BRMS1: variants seen among roughly 807,000 people sequenced by gnomAD.
The protein encoded by BRMS1 is BRMS1 transcriptional repressor and anoikis regulator, also known as breast cancer metastasis-suppressor 1.
A neutral mutation model predicts 40.4 loss-of-function variants in BRMS1; 26 were observed. The ratio of observed to expected loss-of-function variants is 0.64; its 90% confidence interval spans 0.47 to 0.89. BRMS1 has a LOEUF of 0.89. Ranked by LOEUF, BRMS1 falls within the 40% of genes least tolerant of loss-of-function variation. The probability of loss-of-function intolerance (pLI) is 0.00; values close to 1 mark genes in which losing one functional copy is unlikely to be tolerated. For missense variants in BRMS1, 289 were observed against 309.4 expected (o/e 0.93, Z 0.49); for synonymous variants, 103 against 116.0 (o/e 0.89, Z 0.72).
At position 66,341,048 on chromosome 11, in the gene BRMS1, T is replaced by C. The variant is rs1241664592; in HGVS notation, c.359-2A>G. ...CCAGACAGAAGCCCTTGTAGATCCC[T>C]GCAGAGAAAGGGAGGAGGGTCCCTG... On this transcript the variant is annotated splice_acceptor_variant, in intron 4 of 9. Transcript: ENST00000359957. LOFTEE classifies it high-confidence loss of function. The surrounding 1 kb of genome is among the most constrained non-coding windows in gnomAD (Gnocchi z 4.9). 1 of 1,613,812 alleles carries C rather than the reference T, an allele frequency of 6.2e-7. No homozygotes were observed.
intron 8 of BRMS1, 65 bp from the exon 9 acceptor site, chr11:66,338,347 C>A: frequency 6.4e-7 from 1 of 1,557,636 alleles, no homozygotes; most frequent in Non-Finnish European, 8.7e-7. Context: ...CCTGCCCCAC[C>A]CCCCACCTCT....
At position 66,340,760 on chromosome 11, in the gene BRMS1, G is replaced by T; in HGVS notation, c.535+14C>A. On this transcript the variant is annotated intron_variant, in intron 6 of 9. Coordinates refer to ENST00000359957, the MANE Select transcript of BRMS1 (RefSeq NM_015399.4). Reference sequence around the variant, plus strand: ...CGGGGCCCAGTTCCGGGGTGCCCAGGCTCTCGCGCTTACCAGAGCTGAGGT... The same window carrying T: ...CGGGGCCCAGTTCCGGGGTGCCCAGTCTCTCGCGCTTACCAGAGCTGAGGT... 1 of 1,605,446 alleles carries T rather than the reference G, an allele frequency of 6.2e-7. No homozygotes were observed. The highest frequency in any genetic ancestry group is 1.1e-5 in the South Asian group (1 of 90,392).
chr11:66,338,876 C>T (rs1033757159), intron 7 of BRMS1, 91 bp from the exon 8 acceptor site: 27 of 1,327,124 alleles, frequency 2.0e-5, no homozygotes, highest in Non-Finnish European at 2.6e-5. Context: ...GTACAGCGGA[C>T]AGCATGGAGT....
At chr11:66,340,244 T>A in intron 6 of BRMS1, 31 bp from the exon 7 acceptor site, 1 of 1,584,410 alleles carries the variant, frequency 6.3e-7, no homozygotes, top group Non-Finnish European at 8.7e-7. Context: ...AGAATTGGGG[T>A]GCTGGCCCAC....
At position 66,338,268 on chromosome 11, in the gene BRMS1, C is replaced by A; in HGVS notation, c.708G>T (p.Val236=). 1 of 1,611,170 alleles carries A rather than the reference C, an allele frequency of 6.2e-7. No homozygotes were observed. The highest frequency in any genetic ancestry group is 1.3e-5 in the African/African-American group (1 of 75,022). The change falls in exon 9 of 10, where the codon GTG becomes GTT. Residue 236 remains valine, a synonymous_variant. Transcript: ENST00000359957. ...WTAIKKARAA[V]SPQKRKSDGP ...CATCCGATTTTCTCTTCTGAGGGGACACAGCTGCCCTAGCCTGGGTGGGTG... is the reference window on the plus strand; with the variant it reads ...CATCCGATTTTCTCTTCTGAGGGGAAACAGCTGCCCTAGCCTGGGTGGGTG...
intron 6 of BRMS1, 119 bp downstream of exon 6, chr11:66,340,655 G>T: frequency 1.2e-6 from 1 of 827,054 alleles, no homozygotes; most frequent in South Asian, 1.7e-5. Context: ...CCCTCACACT[G>T]ACCCCAACAG....
Position 66,341,536 on chromosome 11 carries a change from T to G in BRMS1, c.227A>C (p.Glu76Ala). ...CCCAAGGTGTCCCCACGCTCACTTC[T>G]CCTTTAGCTCCGAGAACTGCTTCTC... The part of the protein sequence containing the change: ...DLEKQFSELK[E>A]KLFRERLSQL... The change falls in exon 3 of 10, where the codon GAG becomes GCG. Residue 76 changes from glutamate to alanine, a missense_variant. By Grantham distance (107) the Glu-to-Ala change is moderately radical (BLOSUM62 -1). Transcript: ENST00000359957. The surrounding 1 kb of genome is among the most constrained non-coding windows in gnomAD (Gnocchi z 4.9). The G allele has an allele frequency of 2.5e-6, 4 of 1,613,952 alleles. No homozygotes were observed. The highest frequency in any genetic ancestry group is 3.4e-6 in the Non-Finnish European group (4 of 1,179,980).
intron 8 of BRMS1, 36 bp from the exon 9 acceptor site, chr11:66,338,318 C>T (rs1193921499): frequency 1.9e-6 from 3 of 1,589,908 alleles, no homozygotes; most frequent in African/African-American, 1.3e-5. Flanking sequence ...CCTGAGAGCC[C>T]ACCTCCAGCT....
chr11:66,340,416 G>A (rs1382340917), intron 6 of BRMS1, among the ~76,000 whole-genome samples: 2 of 152,156 alleles, frequency 1.3e-5, no homozygotes, highest in Non-Finnish European at 2.9e-5. Flanking sequence ...CTGCACTTCT[G>A]TGAGCCTCAT....
At position 66,341,650 on chromosome 11, in the gene BRMS1, G is replaced by A; in HGVS notation, c.140-27C>T. 1 of 1,602,092 alleles carries A rather than the reference G, an allele frequency of 6.2e-7. No individual in the cohort carries two copies. Among genetic ancestry groups the A allele is most frequent in the Non-Finnish European group, 8.6e-7 (1 of 1,169,448 alleles). On this transcript the variant is annotated intron_variant, in intron 2 of 9. Coordinates refer to ENST00000359957, the MANE Select transcript of BRMS1 (RefSeq NM_015399.4). This position sits in a 1 kb window ranked among gnomAD's most constrained non-coding sequence, Gnocchi z 4.9. ...TGGGACAAGAGGCCAGTAAGGGCTA[G>A]CTCTGGGGAGGAGTGGTGGGTACCC...
rs1491366989 is a variant in BRMS1 at position 66,341,698 on chromosome 11, CAT to C, written c.140-77_140-76del. The C allele has an allele frequency of 1.4e-4, 179 of 1,254,436 alleles. 1 individual carries two copies. The East Asian group carries it at 1.5e-3, about 11-fold the overall frequency. The allele number at this position is 1,254,436 out of a possible 1,614,324, so 77.7% of individuals were successfully genotyped here. A position where few individuals can be genotyped will look rare whatever the true frequency, so the allele number is the denominator to read the frequency against. On this transcript the variant is annotated intron_variant, in intron 2 of 9. Coordinates refer to ENST00000359957, the MANE Select transcript of BRMS1 (RefSeq NM_015399.4). This position sits in a 1 kb window ranked among gnomAD's most constrained non-coding sequence, Gnocchi z 4.9. ...CCCGCATGTGTGCATGTGCGTCCTG[CAT>C]GTGTGTGTGTGCATGCATGCCTGTG...
At chr11:66,338,010 C>G (rs1294131443) in intron 9 of BRMS1, 121 bp from the exon 10 acceptor site, 2 of 1,236,002 alleles carry the variant, frequency 1.6e-6, no homozygotes, top group Non-Finnish European at 2.3e-6. Context: ...CTCCACAGCC[C>G]TCCCTGACCC....
Position 66,340,891 on chromosome 11 carries a change from TCAG to T in BRMS1, c.439-24_439-22del, listed in dbSNP as rs771404344. Reference sequence around the variant, plus strand: ...TCACTCTGGAAGAGGGGGCAATAGCTCAGCAGGACGGATGGGGTGAGGCCACTT... The same window carrying T: ...TCACTCTGGAAGAGGGGGCAATAGCTCAGGACGGATGGGGTGAGGCCACTT... On this transcript the variant is annotated intron_variant, in intron 5 of 9. Transcript: ENST00000359957. 12 of 1,613,760 alleles carry T rather than the reference TCAG, an allele frequency of 7.4e-6. No homozygotes were observed. The Admixed American group carries it at 1.5e-4, about 20-fold the overall frequency.
At position 66,338,744 on chromosome 11, in the gene BRMS1, C is replaced by T. The variant is rs1447158738; in HGVS notation, c.670G>A (p.Glu224Lys). Reference sequence around the variant, plus strand: ...ACCTTTTTGATGGCTGTCCAGTCCTCCAGGATGTCGATCTCTTGAAGCATG... The same window carrying T: ...ACCTTTTTGATGGCTGTCCAGTCCTTCAGGATGTCGATCTCTTGAAGCATG... ...VYMLQEIDIL[E>K]DWTAIKKARA... Residue 224 changes from glutamate to lysine, a missense_variant, in exon 8 of 10, where the codon GAG becomes AAG. Coordinates refer to ENST00000359957, the MANE Select transcript of BRMS1 (RefSeq NM_015399.4). 3.1e-6 allele frequency: 5 copies of T among 1,597,406 alleles called. No homozygotes were observed. In the South Asian group the frequency reaches 4.5e-5, roughly 14 times the overall value.
rs758921033 is a variant in BRMS1 at position 66,341,040 on chromosome 11, T to A, written c.365A>T (p.Tyr122Phe). 6.2e-7 allele frequency: 1 copy of A among 1,613,928 alleles called. No individual in the cohort carries two copies. The highest frequency in any genetic ancestry group is 8.5e-7 in the Non-Finnish European group (1 of 1,179,986). The change falls in exon 5 of 10, where the codon TAC becomes TTC. Residue 122 changes from tyrosine to phenylalanine, a missense_variant. Tyr to Phe is a conservative substitution (Grantham distance 22). Coordinates refer to ENST00000359957, the MANE Select transcript of BRMS1 (RefSeq NM_015399.4). The surrounding 1 kb of genome is among the most constrained non-coding windows in gnomAD (Gnocchi z 4.9). ...GATCACATCCAGACAGAAGCCCTTG[T>A]AGATCCCTGCAGAGAAAGGGAGGAG... ...LKIRIQVAGI[Y>F]KGFCLDVIRN...
intron 9 of BRMS1, 73 bp from the exon 10 acceptor site, chr11:66,337,962 G>A: frequency 6.5e-7 from 1 of 1,528,612 alleles, no homozygotes; most frequent in South Asian, 1.2e-5. Flanking sequence ...CACTTACTGA[G>A]TGGCTTTGGG....
chr11:66,342,064 G>A (rs754760305), intron 2 of BRMS1, 32 bp downstream of exon 2: 10 of 1,603,544 alleles, frequency 6.2e-6, no homozygotes, highest in Non-Finnish European at 8.5e-6. Flanking sequence ...CTCTGTGTGT[G>A]TGTGTGTGTG....
chr11:66,345,044 C>G lies in BRMS1; in HGVS notation c.-80G>C, dbSNP rs1855175473. The G allele has an allele frequency of 6.6e-6, 1 of 152,290 alleles. No individual in the cohort carries two copies. The highest frequency in any genetic ancestry group is 2.1e-4 in the South Asian group (1 of 4,834). The allele number at this position is 152,290 out of a possible 1,614,324, so 9.4% of individuals were successfully genotyped here. A position where few individuals can be genotyped will look rare whatever the true frequency, so the allele number is the denominator to read the frequency against. ...TGCCCGTGGTTGCCGGTACCGGCTG[C>G]TGCCGCCGGACTCCCGTAGGCGCTG... On this transcript the variant is annotated 5_prime_UTR_variant, in exon 1 of 10. Coordinates refer to ENST00000359957, the MANE Select transcript of BRMS1 (RefSeq NM_015399.4).
chr11:66,341,588 C>T lies in BRMS1; in HGVS notation c.175G>A (p.Glu59Lys), dbSNP rs201834097. The T allele has an allele frequency of 2.5e-6, 4 of 1,614,138 alleles. No homozygotes were observed. The highest frequency in any genetic ancestry group is 2.2e-5 in the East Asian group (1 of 44,886). The change falls in exon 3 of 10, where the codon GAG becomes AAG. Residue 59 changes from glutamate (E) to lysine (K), a missense_variant. Transcript: ENST00000359957. The surrounding 1 kb of genome is among the most constrained non-coding windows in gnomAD (Gnocchi z 4.9). ...DDEDYERRRS[E>K]CVSEMLDLEK... is the part of the protein sequence containing the mutation. ...AGGTCCAGCATCTCACTGACACACT[C>T]GCTGCGGCGTCGCTCATAGTCCTCA...
Sources: allele counts gnomAD v4.1 joint callset (sites outside exome capture counted in the v4.1 genomes callset), GRCh38; gene constraint gnomAD v4.1.1; non-coding constraint Gnocchi (gnomAD v3.1); transcripts MANE v1.5; gene names NCBI Gene and HGNC (gene_info 2026-07-23, HGNC 2026-07-21).